MAPT: variants seen among roughly 807,000 people sequenced by gnomAD.
MAPT encodes the protein microtubule associated protein tau, also known as microtubule-associated protein tau.
A neutral mutation model predicts 67.9 loss-of-function variants in MAPT; 34 were observed. That is an observed-to-expected ratio of 0.50 (90% CI 0.38 to 0.67). The LOEUF (loss-of-function observed/expected upper bound fraction) is 0.67. Among genes scored for constraint, MAPT ranks in the 30% least tolerant of loss-of-function variants. MAPT has a pLI of 0.00. For missense variants in MAPT, 881 were observed against 1,115.2 expected, an observed-to-expected ratio of 0.79 and a Z score of 2.99; for synonymous variants, 456 against 464.5, an observed-to-expected ratio of 0.98 and a Z score of 0.23.
rs1460844628 is a variant in MAPT at position 45,993,863 on chromosome 17, C to T, written c.1732+2277C>T. Reference sequence around the variant, plus strand: ...CTGTGGGTGCCTGCCACGTGAAGGACTCATTAAGGCCCTGTTTAAGCCTGA... The same window carrying T: ...CTGTGGGTGCCTGCCACGTGAAGGATTCATTAAGGCCCTGTTTAAGCCTGA... On this transcript the variant is annotated intron_variant, in intron 8 of 12. Coordinates refer to ENST00000262410, the MANE Select transcript of MAPT (RefSeq NM_001377265.1). 6 of 1,509,254 alleles carry T rather than the reference C, an allele frequency of 4.0e-6. No homozygotes were observed. The Admixed American group carries it at 7.9e-5, about 20-fold the overall frequency. 93.5% of individuals were successfully genotyped at this position (1,509,254 alleles called of 1,614,324 possible). A position where few individuals can be genotyped will look rare whatever the true frequency, so the allele number is the denominator to read the frequency against.
chr17:46,013,725 C>T (rs149908640), intron 10 of MAPT, among the ~76,000 whole-genome samples: 25 of 152,254 alleles, frequency 1.6e-4, no homozygotes, highest in Non-Finnish European at 2.2e-4. Flanking sequence ...ATAAAGCCCA[C>T]GCATCGACCC....
chr17:45,998,339 A>G (rs1243841059), intron 9 of MAPT, among the ~76,000 whole-genome samples: 2 of 151,986 alleles, frequency 1.3e-5, no homozygotes, highest in Non-Finnish European at 1.5e-5. Context: ...AAAGGGACGC[A>G]TGTGTAGACC....
At chr17:45,970,556 A>G (rs2071559421) in intron 2 of MAPT, among the ~76,000 whole-genome samples, 2 of 152,272 alleles carry the variant, frequency 1.3e-5, no homozygotes. Flanking sequence ...AACTAGATCC[A>G]CATGTATAAA....
chr17:45,988,910 CAA>C (rs1274498315), intron 6 of MAPT, among the ~76,000 whole-genome samples: 5 of 147,482 alleles, frequency 3.4e-5, no homozygotes, highest in African/African-American at 1.2e-4. Context: ...AACAAACAAA[CAA>C]AAGAGTTAAC....
intron 7 of MAPT, 85 bp from the exon 8 acceptor site, chr17:45,991,370 TCAAGG>T: frequency 6.4e-7 from 1 of 1,553,268 alleles, no homozygotes; most frequent in South Asian, 1.1e-5. Context: ...ACGTTTTGAG[TCAAGG>T]TGGCGGAGTG....
chr17:45,970,439 A>G (rs2071546968), intron 2 of MAPT, among the ~76,000 whole-genome samples: 1 of 152,212 alleles, frequency 6.6e-6, no homozygotes, highest in African/African-American at 2.4e-5. Context: ...TCATGGTATG[A>G]GCCATGATTT....
chr17:45,913,443 C>T (rs966002575), intron 1 of MAPT, among the ~76,000 whole-genome samples: 6 of 152,212 alleles, frequency 3.9e-5, no homozygotes, highest in African/African-American at 9.6e-5. Flanking sequence ...AGATAAATCA[C>T]GTGAAATATC....
At chr17:45,903,877 AT>A (rs1428082826) in intron 1 of MAPT, among the ~76,000 whole-genome samples, 9 of 39,190 alleles carry the variant, frequency 2.3e-4, no homozygotes, top group African/African-American at 5.7e-4. Flanking sequence ...TATATTATAT[AT>A]TTATATATTT....
chr17:45,933,708 C>G (rs536959364), intron 1 of MAPT, among the ~76,000 whole-genome samples: 3 of 152,238 alleles, frequency 2.0e-5, no homozygotes, highest in Admixed American at 2.0e-4. Flanking sequence ...CAGTGCCACG[C>G]GATGCCATTT....
At chr17:45,954,024 G>A (rs767605593) in intron 1 of MAPT, among the ~76,000 whole-genome samples, 1 of 151,868 alleles carries the variant, frequency 6.6e-6, no homozygotes, top group South Asian at 2.1e-4. Flanking sequence ...TTTTTCGATC[G>A]AAGAAATACT....
At chr17:45,947,517 A>T (rs1330898492) in intron 1 of MAPT, among the ~76,000 whole-genome samples, 1 of 151,032 alleles carries the variant, frequency 6.6e-6, no homozygotes, top group Non-Finnish European at 1.5e-5. Context: ...CCTCCCCAGT[A>T]GCTGGGATTA....
chr17:45,982,378 G>A (rs2073066121), intron 4 of MAPT, among the ~76,000 whole-genome samples: 1 of 151,756 alleles, frequency 6.6e-6, no homozygotes, highest in African/African-American at 2.4e-5. Flanking sequence ...GGTAGGGAGA[G>A]GAAAGGGGAT....
intron 10 of MAPT, among the ~76,000 whole-genome samples, chr17:46,012,992 A>G (rs1042956080): frequency 6.6e-6 from 1 of 152,166 alleles, no homozygotes; most frequent in African/African-American, 2.4e-5. Context: ...TCTCTGCCCC[A>G]GTTAACTCCC....
chr17:45,917,876 C>T (rs1166494517), intron 1 of MAPT, among the ~76,000 whole-genome samples: 3 of 151,942 alleles, frequency 2.0e-5, no homozygotes, highest in African/African-American at 4.8e-5. Flanking sequence ...CGGGTTCAAG[C>T]GATTCTCATG....
intron 2 of MAPT, among the ~76,000 whole-genome samples, chr17:45,966,283 T>C (rs2071071404): frequency 6.6e-6 from 1 of 152,130 alleles, no homozygotes; most frequent in Non-Finnish European, 1.5e-5. Flanking sequence ...AAATAACAAG[T>C]TCGTTTAAAA....
Position 45,996,210 on chromosome 17 carries a change from G to A in MAPT, c.1733-189G>A, listed in dbSNP as rs1228644668. On this transcript the variant is annotated intron_variant, in intron 8 of 12. Coordinates refer to ENST00000262410, the MANE Select transcript of MAPT (RefSeq NM_001377265.1). This position sits in a 1 kb window ranked among gnomAD's most constrained non-coding sequence, Gnocchi z 4.5. ...GGGAAAGGGGTGTCTCTGTCCCTAA[G>A]CAAAAAGGCAGGGAGGAAGAGATGC... is the stretch of plus-strand genomic sequence containing the variant. 6.6e-6 allele frequency among the ~76,000 whole-genome samples: 1 copy of A among 152,084 alleles called. No homozygotes were observed. The highest frequency in any genetic ancestry group is 1.5e-5 in the Non-Finnish European group (1 of 68,004).
At chr17:45,975,840 T>A (rs1387457422) in intron 3 of MAPT, 2 of 152,176 alleles carry the variant, frequency 1.3e-5, no homozygotes, top group African/African-American at 4.8e-5. Flanking sequence ...GGAAGGTTCT[T>A]ACTGAGTTGG....
intron 1 of MAPT, among the ~76,000 whole-genome samples, chr17:45,945,162 A>G (rs62062778): frequency 0.14 from 21,819 of 152,248 alleles, 2,139 homozygotes; most frequent in Non-Finnish European, 0.22. Context: ...CCGAAGGCTG[A>G]GACTGCAGAT....
At chr17:46,018,789 G>C in intron 12 of MAPT, 59 bp downstream of exon 12, 1 of 1,235,118 alleles carries the variant, frequency 8.1e-7, no homozygotes, top group South Asian at 1.2e-5. Flanking sequence ...TAATCAAGTT[G>C]AGTGGACAAA....
Sources: allele counts gnomAD v4.1 joint callset (sites outside exome capture counted in the v4.1 genomes callset), GRCh38; gene constraint gnomAD v4.1.1; non-coding constraint Gnocchi (gnomAD v3.1); transcripts MANE v1.5; gene names NCBI Gene and HGNC (gene_info 2026-07-23, HGNC 2026-07-21).